XPR1: variants seen among roughly 807,000 people sequenced by gnomAD.
XPR1 encodes solute carrier family 53 member 1.
In XPR1, 28 loss-of-function variants were observed where a neutral mutation model predicts 87.5. The observed-to-expected ratio is 0.32, with a 90% CI of 0.24 to 0.44. XPR1 has a LOEUF of 0.44. Ranked by LOEUF, XPR1 falls within the 20% of genes least tolerant of loss-of-function variation. XPR1 has a pLI of 1.00. For synonymous variants in XPR1, 300 were observed against 306.1 expected, an observed-to-expected ratio of 0.98 and a Z score of 0.21; for missense variants, 559 against 862.3, an observed-to-expected ratio of 0.65 and a Z score of 4.41.
At chr1:180,668,123 CTT>C (rs758456790) in intron 1 of XPR1, among the ~76,000 whole-genome samples, 26 of 94,698 alleles carry the variant, frequency 2.7e-4, no homozygotes, top group East Asian at 1.3e-3. Flanking sequence ...TTCCCTCTAT[CTT>C]TTTTTTTTTT....
At chr1:180,764,596 T>C (rs1648197588) in intron 2 of XPR1, among the ~76,000 whole-genome samples, 1 of 151,270 alleles carries the variant, frequency 6.6e-6, no homozygotes, top group East Asian at 2.0e-4. Flanking sequence ...CAGCCTCCCA[T>C]GTAGCTGGGA....
chr1:180,647,274 C>G (rs946394249), intron 1 of XPR1, among the ~76,000 whole-genome samples: 3 of 152,208 alleles, frequency 2.0e-5, no homozygotes, highest in Non-Finnish European at 4.4e-5. Context: ...CTGCTCACCT[C>G]CTGCTTTACA....
At chr1:180,764,900 C>T (rs561298452) in intron 2 of XPR1, among the ~76,000 whole-genome samples, 146 of 151,826 alleles carry the variant, frequency 9.6e-4, no homozygotes, top group African/African-American at 2.9e-3. Context: ...ATTCTCCTGC[C>T]TCAGCCTCCT....
intron 1 of XPR1, among the ~76,000 whole-genome samples, chr1:180,657,671 C>T (rs1317672205): frequency 1.3e-5 from 2 of 152,150 alleles, no homozygotes; most frequent in South Asian, 2.1e-4. Flanking sequence ...ATGCTAGTAC[C>T]ATGCTATTTT....
In XPR1 at chr1:180,819,789, G is replaced by A. The variant is rs1249629924; in HGVS notation, c.764-4964G>A. On this transcript the variant is annotated intron_variant, in intron 7 of 14. Transcript: ENST00000367590. The stretch of plus-strand genomic sequence containing the variant: ...TCCTAGCACTTTGGGAGGCCAAGGC[G>A]GGTGGATTGCCTGAGCTCAGGAGTT... Among the ~76,000 whole-genome samples the A allele has an allele frequency of 3.9e-5, 6 of 152,232 alleles. No individual in the cohort carries two copies. The East Asian group carries it at 7.7e-4, about 20-fold the overall frequency.
chr1:180,730,440 C>A (rs973753987), intron 2 of XPR1, among the ~76,000 whole-genome samples: 40 of 152,150 alleles, frequency 2.6e-4, no homozygotes, highest in Non-Finnish European at 5.7e-4. Context: ...ACTGTGTATT[C>A]TACACATGAA....
intron 2 of XPR1, among the ~76,000 whole-genome samples, chr1:180,722,670 A>G (rs10914080): frequency 0.31 from 47,889 of 152,112 alleles, 8,280 homozygotes; most frequent in Non-Finnish European, 0.38. Flanking sequence ...TGCCTAAGAA[A>G]ACTAAATGAT....
In XPR1 at chr1:180,674,338, A is replaced by C. The variant is rs192826206; in HGVS notation, c.70-8022A>C. ...CAGTGGCACGATCTCGGCTCACCAC[A>C]ACTGCCGCCTCCCGGGTTCAAGTGA... On this transcript the variant is annotated intron_variant, in intron 1 of 14. Coordinates refer to ENST00000367590, the MANE Select transcript of XPR1 (RefSeq NM_004736.4). Among the ~76,000 whole-genome samples, 274 of 152,266 alleles carry C rather than the reference A, an allele frequency of 1.8e-3. 2 individuals carry two copies. Among genetic ancestry groups the C allele is most frequent in the Admixed American group, 0.015 (229 of 15,298 alleles).
chr1:180,778,448 C>A (rs1034397119), intron 2 of XPR1, among the ~76,000 whole-genome samples: 9 of 152,164 alleles, frequency 5.9e-5, no homozygotes, highest in African/African-American at 1.9e-4. Context: ...AGTAAAGCTC[C>A]TTTTGCCTTA....
intron 1 of XPR1, among the ~76,000 whole-genome samples, chr1:180,680,626 G>A (rs1656543905): frequency 6.6e-6 from 1 of 152,122 alleles, no homozygotes; most frequent in African/African-American, 2.4e-5. Flanking sequence ...GCCTCCCAAA[G>A]TGCTGGGATT....
At chr1:180,760,028 A>C (rs1017218723) in intron 2 of XPR1, among the ~76,000 whole-genome samples, 3 of 152,222 alleles carry the variant, frequency 2.0e-5, no homozygotes, top group African/African-American at 7.2e-5. Context: ...GATTATCTCA[A>C]TAGATGCAGA....
chr1:180,799,679 G>A (rs1172592570), intron 3 of XPR1, among the ~76,000 whole-genome samples: 1 of 152,128 alleles, frequency 6.6e-6, no homozygotes, highest in Non-Finnish European at 1.5e-5. Context: ...CTGCCTAATA[G>A]AAGGCATCCA....
At chr1:180,874,545 C>T (rs1480037049) in intron 13 of XPR1, among the ~76,000 whole-genome samples, 1 of 152,018 alleles carries the variant, frequency 6.6e-6, no homozygotes, top group Non-Finnish European at 1.5e-5. Context: ...CAAAAATTAG[C>T]TGGGCATGGT....
At chr1:180,692,747 A>G (rs986295597) in intron 2 of XPR1, among the ~76,000 whole-genome samples, 2 of 152,178 alleles carry the variant, frequency 1.3e-5, no homozygotes, top group East Asian at 1.9e-4. Context: ...TCACAGAAAG[A>G]GAATTAGATC....
intron 2 of XPR1, among the ~76,000 whole-genome samples, chr1:180,702,064 G>T (rs1467904540): frequency 8.7e-5 from 7 of 80,840 alleles, no homozygotes; most frequent in Admixed American, 6.6e-4. Context: ...GCTTTCTCTT[G>T]TAGGCATTTA....
intron 12 of XPR1, among the ~76,000 whole-genome samples, chr1:180,865,097 G>T (rs770365983): frequency 2.0e-5 from 3 of 152,152 alleles, no homozygotes; most frequent in Non-Finnish European, 4.4e-5. Context: ...TTTCAGGTGT[G>T]AGGAATGGTG....
intron 4 of XPR1, among the ~76,000 whole-genome samples, chr1:180,804,231 C>T (rs1400507569): frequency 6.6e-6 from 1 of 152,210 alleles, no homozygotes; most frequent in African/African-American, 2.4e-5. Context: ...CCTGCCTCAG[C>T]CTCCCGAGTG....
chr1:180,751,292 TTG>T (rs1392830020), intron 2 of XPR1, among the ~76,000 whole-genome samples: 1 of 152,068 alleles, frequency 6.6e-6, no homozygotes, highest in East Asian at 1.9e-4. Flanking sequence ...TATGTATCTT[TTG>T]TCTAATCATT....
At position 180,632,078 on chromosome 1, in the gene XPR1, C is replaced by A; in HGVS notation, c.-124C>A. Reference sequence around the variant, plus strand: ...TGCTCTGAAGAGACCTCGGCGGCGGCGGAGGAGGAGAGAAGCGCAGCGCCG... The same window carrying A: ...TGCTCTGAAGAGACCTCGGCGGCGGAGGAGGAGGAGAGAAGCGCAGCGCCG... On this transcript the variant is annotated 5_prime_UTR_variant, in exon 1 of 15. Coordinates refer to ENST00000367590, the MANE Select transcript of XPR1 (RefSeq NM_004736.4). The A allele has an allele frequency of 8.5e-7, 1 of 1,171,120 alleles. No homozygotes were observed. Among genetic ancestry groups the A allele is most frequent in the Non-Finnish European group, 1.2e-6 (1 of 803,562 alleles). The allele number at this position is 1,171,120 out of a possible 1,614,324, so 72.5% of individuals were successfully genotyped here. A position where few individuals can be genotyped will look rare whatever the true frequency, so the allele number is the denominator to read the frequency against.
Sources: gnomAD v4.1 joint callset for allele counts (sites outside exome capture counted in the v4.1 genomes callset) on GRCh38, gnomAD v4.1.1 for gene constraint, MANE v1.5 for transcripts, NCBI Gene and HGNC (gene_info 2026-07-23, HGNC 2026-07-21) for gene names.